HSF1: variants seen among roughly 807,000 people sequenced by gnomAD.
HSF1 encodes the protein heat shock transcription factor 1.
Under a neutral mutation model 51.7 loss-of-function variants are expected in HSF1, and 32 were observed. The ratio of observed to expected loss-of-function variants is 0.62; its 90% CI spans 0.47 to 0.83. The LOEUF (loss-of-function observed/expected upper bound fraction) is 0.83. Ranked by LOEUF, HSF1 falls within the 40% of genes least tolerant of loss-of-function variation. The pLI is 0.00. For synonymous variants in HSF1, 396 were observed against 309.7 expected, an observed-to-expected ratio of 1.28 and a Z score of -2.92; for missense variants, 727 against 717.0, an observed-to-expected ratio of 1.01 and a Z score of -0.16.
At chr8:144,301,667 C>T (rs1273853205) in intron 1 of HSF1, among the ~76,000 whole-genome samples, 1 of 151,706 alleles carries the variant, frequency 6.6e-6, no homozygotes. Context: ...GAGGTCGAGA[C>T]CATCCTGGCT....
chr8:144,305,751 GAGAC>G (rs1816179489), intron 1 of HSF1, among the ~76,000 whole-genome samples: 1 of 10,540 alleles, frequency 9.5e-5, no homozygotes, highest in Non-Finnish European at 2.2e-4. Context: ...TTTTTTTTTT[GAGAC>G]GGAGTCTCAC....
intron 1 of HSF1, among the ~76,000 whole-genome samples, chr8:144,306,761 C>G (rs571387252): frequency 2.6e-5 from 4 of 152,354 alleles, no homozygotes; most frequent in Admixed American, 2.6e-4. Context: ...TCGTGGTTAT[C>G]TGTCAGGTAG....
At chr8:144,313,660 G>GCCCCGCCTCCCCGCCTCCCCGCCTCC in intron 10 of HSF1, 44 bp downstream of exon 10, 1 of 107,804 alleles carries the variant, frequency 9.3e-6, no homozygotes, top group African/African-American at 9.8e-5. Context: ...CCGCCTCCCC[G>GCCCCGCCTCCCCGCCTCCCCGCCTCC]CCGCGCCGCC....
chr8:144,298,636 G>A (rs2130343828), intron 1 of HSF1, among the ~76,000 whole-genome samples: 1 of 152,142 alleles, frequency 6.6e-6, no homozygotes, highest in South Asian at 2.1e-4. Flanking sequence ...AACCGGCGAG[G>A]ACTGAGGTAA....
intron 1 of HSF1, among the ~76,000 whole-genome samples, chr8:144,296,470 C>T (rs1815467868): frequency 6.6e-6 from 1 of 152,130 alleles, no homozygotes; most frequent in African/African-American, 2.4e-5. Context: ...GATGTGTGCC[C>T]GGACCATAGT....
intron 9 of HSF1, 137 bp from the exon 10 acceptor site, chr8:144,313,374 T>G: frequency 1.6e-6 from 1 of 624,090 alleles, no homozygotes; most frequent in Non-Finnish European, 2.9e-6. Flanking sequence ...TCGAATGCGC[T>G]GCCCCCTCCA....
At position 144,291,823 on chromosome 8, in the gene HSF1, G is replaced by A; in HGVS notation, c.66G>A (p.Leu22=). 1 of 1,558,228 alleles carries A rather than the reference G, an allele frequency of 6.4e-7. No homozygotes were observed. Among genetic ancestry groups the A allele is most frequent in the Non-Finnish European group, 8.6e-7 (1 of 1,157,002 alleles). ...ACGTCCCGGCCTTCCTGACCAAGCTGTGGACCCTCGTGAGCGACCCGGACA... is the reference window on the plus strand; with the variant it reads ...ACGTCCCGGCCTTCCTGACCAAGCTATGGACCCTCGTGAGCGACCCGGACA... ...PSNVPAFLTK[L]WTLVSDPDTD... is the part of the protein sequence containing the mutation. The change falls in exon 1 of 13, where the codon CTG becomes CTA. Residue 22 remains leucine, a synonymous_variant. Transcript: ENST00000528838. The surrounding 1 kb of genome is among the most constrained non-coding windows in gnomAD (Gnocchi z 4.1).
chr8:144,302,361 G>A (rs1815945988), intron 1 of HSF1, among the ~76,000 whole-genome samples: 1 of 151,504 alleles, frequency 6.6e-6, no homozygotes, highest in Admixed American at 6.6e-5. Flanking sequence ...ACAAAAATTA[G>A]CTGGGCGTGA....
In HSF1 at chr8:144,306,215, C is replaced by A. The variant is rs2130395637; in HGVS notation, c.118-2691C>A. ...ATATTTGAAATGATTGACTTAAAAT[C>A]TTTGCCTCGTAAGTCCAGTGTCCAA... On this transcript the variant is annotated intron_variant, in intron 1 of 12. Transcript: ENST00000528838. 1.3e-5 allele frequency among the ~76,000 whole-genome samples: 2 copies of A among 149,158 alleles called. 1 individual carries two copies. The highest frequency in any genetic ancestry group is 4.2e-4 in the South Asian group (2 of 4,764).
chr8:144,311,674 C>CA, intron 7 of HSF1, 26 bp from the exon 8 acceptor site: 1 of 1,610,110 alleles, frequency 6.2e-7, no homozygotes, highest in African/African-American at 1.3e-5. Flanking sequence ...GCCGGCACTG[C>CA]ATGGACCTCC....
At chr8:144,298,491 G>C (rs1815629832) in intron 1 of HSF1, among the ~76,000 whole-genome samples, 1 of 151,206 alleles carries the variant, frequency 6.6e-6, no homozygotes. Context: ...TGTAATCCCA[G>C]CTACTCGGGA....
At chr8:144,311,433 C>A in intron 6 of HSF1, 51 bp downstream of exon 6, 4 of 1,612,252 alleles carry the variant, frequency 2.5e-6, no homozygotes, top group Non-Finnish European at 3.4e-6. Flanking sequence ...AGGGCTGTCC[C>A]CCTTCTCTGT....
Position 144,309,581 on chromosome 8 carries a change from A to G in HSF1, c.353A>G (p.Lys118Arg), listed in dbSNP as rs1816457610. 6.2e-7 allele frequency: 1 copy of G among 1,613,796 alleles called. No individual in the cohort carries two copies. The highest frequency in any genetic ancestry group is 1.7e-5 in the Admixed American group (1 of 60,000). The change falls in exon 3 of 13, where the codon AAA becomes AGA. Residue 118 changes from lysine (K) to arginine (R), a missense_variant. Coordinates refer to ENST00000528838, the MANE Select transcript of HSF1 (RefSeq NM_005526.4). ...CAGCTCCTTGAGAACATCAAGAGGAAAGTGACCAGTGTGAGTGCCGGCCCT... is the reference window on the plus strand; with the variant it reads ...CAGCTCCTTGAGAACATCAAGAGGAGAGTGACCAGTGTGAGTGCCGGCCCT... ...QEQLLENIKR[K>R]VTSVSTLKSE...
rs1554844477 is a variant in HSF1, at chr8:144,311,494, C to G, written c.627-11C>G. ...TGGGGGGTGGTGGCTGACCTGCACC[C>G]TTCCCCACAGCCCCCTGATGCTGAA... On this transcript the variant is annotated splice_polypyrimidine_tract_variant and intron_variant, in intron 6 of 12. Transcript: ENST00000528838. 20 of 1,613,422 alleles carry G rather than the reference C, an allele frequency of 1.2e-5. No individual in the cohort carries two copies. Among genetic ancestry groups the G allele is most frequent in the Non-Finnish European group, 1.7e-5 (20 of 1,179,812 alleles).
In HSF1 at chr8:144,312,203, C is replaced by T. The variant is rs1816726995; in HGVS notation, c.1101C>T (p.Thr367=). ...GCCGGCCTCCCTCCCCCCCGCCCAC[C>T]TCCACCCCTGAAAAGTGCCTCAGCG... ...TEGRPPSPPP[T]STPEKCLSVA... is the part of the protein sequence containing the mutation. The change falls in exon 9 of 13, where the codon ACC becomes ACT. Residue 367 remains threonine, a synonymous_variant. Coordinates refer to ENST00000528838, the MANE Select transcript of HSF1 (RefSeq NM_005526.4). The T allele has an allele frequency of 3.1e-6, 5 of 1,589,486 alleles. No homozygotes were observed. The highest frequency in any genetic ancestry group is 4.3e-6 in the Non-Finnish European group (5 of 1,166,742).
intron 1 of HSF1, among the ~76,000 whole-genome samples, chr8:144,296,871 A>G (rs989769568): frequency 6.6e-6 from 1 of 150,800 alleles, no homozygotes; most frequent in East Asian, 2.0e-4. Flanking sequence ...CACAGAAAAA[A>G]TTAAAAAGGC....
At chr8:144,309,111 C>A in intron 2 of HSF1, 97 bp downstream of exon 2, 2 of 988,352 alleles carry the variant, frequency 2.0e-6, no homozygotes, top group Admixed American at 1.9e-5. Flanking sequence ...ACGGGGCGTC[C>A]TGTGCTGGCC....
Position 144,312,011 on chromosome 8 carries a change from C to T in HSF1, c.909C>T (p.Ser303=), listed in dbSNP as rs782719925. 6.2e-7 allele frequency: 1 copy of T among 1,601,362 alleles called. No homozygotes were observed. Among genetic ancestry groups the T allele is most frequent in the South Asian group, 1.1e-5 (1 of 90,272 alleles). Residue 303 remains serine (S), a synonymous_variant, in exon 9 of 13, where the codon AGC becomes AGT. Coordinates refer to ENST00000528838, the MANE Select transcript of HSF1 (RefSeq NM_005526.4). ...TGCGTGTCAAGGAGGAGCCCCCCAGCCCGCCTCAGAGCCCCCGGGTAGAGG... is the reference window on the plus strand; with the variant it reads ...TGCGTGTCAAGGAGGAGCCCCCCAGTCCGCCTCAGAGCCCCCGGGTAGAGG... ...PLVRVKEEPP[S]PPQSPRVEEA...
intron 1 of HSF1, among the ~76,000 whole-genome samples, chr8:144,299,902 C>G (rs1005936839): frequency 2.0e-5 from 3 of 152,022 alleles, no homozygotes; most frequent in African/African-American, 7.2e-5. Flanking sequence ...GAGCGAGACC[C>G]CGTCTCAAAA....
Sources: gnomAD v4.1 joint callset for allele counts (sites outside exome capture counted in the v4.1 genomes callset) on GRCh38, gnomAD v4.1.1 for gene constraint, Gnocchi (gnomAD v3.1) non-coding constraint, MANE v1.5 for transcripts, NCBI Gene and HGNC (gene_info 2026-07-23, HGNC 2026-07-21) for gene names.